Variants in GLYR1 observed in about 807,000 individuals in gnomAD.
GLYR1 encodes cytokine-like nuclear factor N-PAC.
Under a neutral mutation model 72.7 loss-of-function variants are expected in GLYR1, and 21 were observed. The observed-to-expected ratio is 0.29, with a 90% confidence interval of 0.20 to 0.42. The LOEUF is 0.42. Among genes scored for constraint, GLYR1 ranks in the 10% least tolerant of loss-of-function variants. The pLI is 1.00. For synonymous variants in GLYR1, 392 were observed against 270.2 expected (o/e 1.45, Z -4.42); for missense variants, 594 against 712.1 (o/e 0.83, Z 1.89).
At chr16:4,817,828 T>C in intron 9 of GLYR1, 131 bp from the exon 10 acceptor site, 1 of 668,096 alleles carries the variant, frequency 1.5e-6, no homozygotes, top group Non-Finnish European at 2.7e-6. Flanking sequence ...GAAACAGCAG[T>C]GGCCAATCTA....
At position 4,832,181 on chromosome 16, in the gene GLYR1, T is replaced by G. The variant is rs760291178; in HGVS notation, c.335A>C (p.Asn112Thr). 5 of 1,614,174 alleles carry G rather than the reference T, an allele frequency of 3.1e-6. No individual in the cohort carries two copies. The Admixed American group carries it at 8.3e-5, about 27-fold the overall frequency. The change falls in exon 5 of 16, where the codon AAT becomes ACT. Residue 112 changes from asparagine (N) to threonine (T), a missense_variant. Physicochemically the swap from Asn to Thr is moderately conservative, Grantham distance 65. Coordinates refer to ENST00000321919, the MANE Select transcript of GLYR1 (RefSeq NM_032569.4). ...HNSSDDKNRR[N>T]SSEERSRPNS... ...TGGCCTACTTCTCTCCTCACTGGAA[T>G]TACGTCGATTCTTGTCATCAGAAGA...
intron 11 of GLYR1, among the ~76,000 whole-genome samples, chr16:4,814,262 A>C (rs1203479902): frequency 6.6e-6 from 1 of 152,230 alleles, no homozygotes; most frequent in Non-Finnish European, 1.5e-5. Context: ...TTCAGTTCCA[A>C]AGCTTCTAGT....
In GLYR1 at chr16:4,820,394, G is replaced by A. The variant is rs1246254600; in HGVS notation, c.806+986C>T. ...GGTTGGGCAACAACAAAACTGGTTG[G>A]TTTTGATGCTGGCTTCATACTCTTT... On this transcript the variant is annotated intron_variant, in intron 9 of 15. Transcript: ENST00000321919. Among the ~76,000 whole-genome samples, 4 of 152,198 alleles carry A rather than the reference G, an allele frequency of 2.6e-5. No homozygotes were observed. The East Asian group carries it at 7.7e-4, about 29-fold the overall frequency.
rs369514088 is a variant in GLYR1 at position 4,821,461 on chromosome 16, C to T, written c.733-8G>A. 1.9e-6 allele frequency: 3 copies of T among 1,614,012 alleles called. No homozygotes were observed. The highest frequency in any genetic ancestry group is 4.5e-5 in the East Asian group (2 of 44,900). ...GGAGGTGGAGCCAGTTTCCTACGGACAGGAAGCACACATCATCAAGTCAGT... is the reference window on the plus strand; with the variant it reads ...GGAGGTGGAGCCAGTTTCCTACGGATAGGAAGCACACATCATCAAGTCAGT... On this transcript the variant is annotated splice_polypyrimidine_tract_variant and splice_region_variant and intron_variant, in intron 8 of 15. Transcript: ENST00000321919.
At chr16:4,810,195 G>T (rs1356397899) in intron 15 of GLYR1, among the ~76,000 whole-genome samples, 1 of 151,598 alleles carries the variant, frequency 6.6e-6, no homozygotes, top group Non-Finnish European at 1.5e-5. Context: ...CACTTTAAAG[G>T]GTTTGAAAAA....
At chr16:4,815,416 G>C (rs773426574) in intron 10 of GLYR1, among the ~76,000 whole-genome samples, 5 of 152,106 alleles carry the variant, frequency 3.3e-5, no homozygotes, top group African/African-American at 4.8e-5. Flanking sequence ...ATGGTTTATA[G>C]TGGTTGACTA....
At chr16:4,823,560 A>T (rs1308273612) in intron 6 of GLYR1, among the ~76,000 whole-genome samples, 3 of 152,184 alleles carry the variant, frequency 2.0e-5, no homozygotes, top group South Asian at 4.1e-4. Flanking sequence ...GCCCAAAATA[A>T]AAAAAACTAG....
intron 3 of GLYR1, among the ~76,000 whole-genome samples, chr16:4,843,177 T>G (rs73517027): frequency 0.12 from 18,385 of 152,208 alleles, 1,457 homozygotes; most frequent in African/African-American, 0.23. Flanking sequence ...TTTTTCTTTT[T>G]CTTTTCTGAG....
chr16:4,827,936 C>T (rs1443677766), intron 5 of GLYR1, among the ~76,000 whole-genome samples: 2 of 151,874 alleles, frequency 1.3e-5, no homozygotes, highest in South Asian at 2.1e-4. Flanking sequence ...AACCAAAAAA[C>T]GAATTGAAGG....
At chr16:4,831,496 G>A (rs888825818) in intron 5 of GLYR1, among the ~76,000 whole-genome samples, 4 of 152,026 alleles carry the variant, frequency 2.6e-5, no homozygotes, top group East Asian at 3.9e-4. Context: ...CACCAGCACC[G>A]AGCCTCACAC....
chr16:4,810,502 T>A (rs1399771758), intron 15 of GLYR1, among the ~76,000 whole-genome samples: 1 of 150,198 alleles, frequency 6.7e-6, no homozygotes, highest in African/African-American at 2.5e-5. Context: ...AGAGTGAGAC[T>A]CTGTCTCAAA....
In GLYR1 at chr16:4,814,543, G is replaced by A; in HGVS notation, c.1011C>T (p.Ala337=). The A allele has an allele frequency of 6.2e-7, 1 of 1,613,064 alleles. No homozygotes were observed. The highest frequency in any genetic ancestry group is 8.5e-7 in the Non-Finnish European group (1 of 1,179,698). ...GGAGGGAGGGGGTCCTTACGTCCTTGGCCGCCTTGGGATCCGACACGCAGG... is the reference window on the plus strand; with the variant it reads ...GGAGGGAGGGGGTCCTTACGTCCTTAGCCGCCTTGGGATCCGACACGCAGG... ...TFACVSDPKA[A]KDLVLGPSGV... Residue 337 remains alanine (A), a synonymous_variant, in exon 11 of 16, where the codon GCC becomes GCT. Coordinates refer to ENST00000321919, the MANE Select transcript of GLYR1 (RefSeq NM_032569.4).
intron 13 of GLYR1, 70 bp from the exon 14 acceptor site, chr16:4,811,872 C>T: frequency 6.5e-7 from 1 of 1,531,658 alleles, no homozygotes; most frequent in East Asian, 2.3e-5. Flanking sequence ...TCCACCCTCA[C>T]CTCTGCTCAG....
chr16:4,824,985 T>C lies in GLYR1; in HGVS notation c.538-1078A>G, dbSNP rs1039187319. On this transcript the variant is annotated intron_variant, in intron 5 of 15. Transcript: ENST00000321919. ...CCTCTCTTCTCTAATCCACTGACAA[T>C]GAATGGGGCTTTACAGTTGGCGATC... Among the ~76,000 whole-genome samples, 2 of 152,182 alleles carry C rather than the reference T, an allele frequency of 1.3e-5. 1 individual carries two copies. The highest frequency in any genetic ancestry group is 4.1e-4 in the South Asian group (2 of 4,828).
rs1596319715 is a variant in GLYR1 at position 4,814,522 on chromosome 16, G to C, written c.1017+15C>G. On this transcript the variant is annotated intron_variant, in intron 11 of 15. Coordinates refer to ENST00000321919, the MANE Select transcript of GLYR1 (RefSeq NM_032569.4). Reference sequence around the variant, plus strand: ...TGTGACCCGGAGTTGCTGAGGGGAGGGAGGGGGTCCTTACGTCCTTGGCCG... The same window carrying C: ...TGTGACCCGGAGTTGCTGAGGGGAGCGAGGGGGTCCTTACGTCCTTGGCCG... 1 of 1,604,080 alleles carries C rather than the reference G, an allele frequency of 6.2e-7. No homozygotes were observed. Among genetic ancestry groups the C allele is most frequent in the Non-Finnish European group, 8.5e-7 (1 of 1,172,000 alleles).
Position 4,805,325 on chromosome 16 carries a change from G to C in GLYR1, c.1588-15C>G. The C allele has an allele frequency of 6.2e-7, 1 of 1,610,910 alleles. No homozygotes were observed. The highest frequency in any genetic ancestry group is 8.5e-7 in the Non-Finnish European group (1 of 1,177,998). On this transcript the variant is annotated splice_polypyrimidine_tract_variant and intron_variant, in intron 15 of 15. Transcript: ENST00000321919. ...CTTTTGTACACCTGGAAAAAAAAGA[G>C]ATGGCTCAGTCTCTGGCCCCAGAGC...
At chr16:4,838,383 A>G (rs898591851) in intron 3 of GLYR1, among the ~76,000 whole-genome samples, 2 of 152,268 alleles carry the variant, frequency 1.3e-5, no homozygotes, top group East Asian at 3.9e-4. Flanking sequence ...AGAACCAGAA[A>G]GATGACCCTG....
rs370390299 is a variant in GLYR1 at position 4,812,079 on chromosome 16, G to T, written c.1282+7C>A. ...GGCTCCAGGCCTGACAGGTGCAGGC[G>T]TGTTACCTAGGAAGAAGGAGGTCTT... On this transcript the variant is annotated splice_region_variant and intron_variant, in intron 13 of 15. Transcript: ENST00000321919. 6.2e-7 allele frequency: 1 copy of T among 1,612,370 alleles called. No homozygotes were observed. Among genetic ancestry groups the T allele is most frequent in the Admixed American group, 1.7e-5 (1 of 59,850 alleles).
Position 4,811,312 on chromosome 16 carries a change from G to A in GLYR1, c.1463-18C>T, listed in dbSNP as rs943683751. ...CAGGATATCTGAGGAGAAAAAGCCA[G>A]TATCAGACAAAAGCCAAGGACCTGA... On this transcript the variant is annotated intron_variant, in intron 14 of 15. Transcript: ENST00000321919. The A allele has an allele frequency of 8.1e-6, 13 of 1,612,710 alleles. No homozygotes were observed. The African/African-American group carries it at 1.7e-4, about 22-fold the overall frequency.
Sources: gnomAD v4.1 joint callset for allele counts (sites outside exome capture counted in the v4.1 genomes callset) on GRCh38, gnomAD v4.1.1 for gene constraint, MANE v1.5 for transcripts, NCBI Gene and HGNC (gene_info 2026-07-23, HGNC 2026-07-21) for gene names.